The following PXDNL variants were observed in gnomAD, a reference collection of about 807,000 sequenced individuals.
The protein encoded by PXDNL is peroxidasin like.
A neutral mutation model predicts 150.8 loss-of-function variants in PXDNL; 145 were observed. The observed-to-expected ratio is 0.96, with a 90% CI of 0.84 to 1.10. PXDNL has a LOEUF of 1.10. Among genes scored for constraint, PXDNL ranks in the 50% least tolerant of loss-of-function variants. The probability of loss-of-function intolerance (pLI) is 0.00; values close to 1 mark genes in which losing one functional copy is unlikely to be tolerated. For missense variants in PXDNL, 2,087 were observed against 1,873.9 expected, an observed-to-expected ratio of 1.11 and a Z score of -2.10; for synonymous variants, 757 against 725.7, an observed-to-expected ratio of 1.04 and a Z score of -0.69.
intron 2 of PXDNL, among the ~76,000 whole-genome samples, chr8:51,613,749 T>C (rs1814071999): frequency 6.6e-6 from 1 of 152,178 alleles, no homozygotes; most frequent in Admixed American, 6.5e-5. Flanking sequence ...CCTCACCCTC[T>C]AAAATGCAAA....
intron 6 of PXDNL, among the ~76,000 whole-genome samples, chr8:51,478,787 C>G (rs1400850508): frequency 6.6e-6 from 1 of 152,164 alleles, no homozygotes; most frequent in African/African-American, 2.4e-5. Context: ...TTCTGTTGTT[C>G]TCATCTAAAT....
At chr8:51,389,901 T>A (rs1807839717) in intron 17 of PXDNL, among the ~76,000 whole-genome samples, 1 of 152,178 alleles carries the variant, frequency 6.6e-6, no homozygotes. Context: ...TTATGTCACA[T>A]TTCCCCATAA....
chr8:51,539,410 ATATAGT>A (rs1259079089), intron 4 of PXDNL, among the ~76,000 whole-genome samples: 1 of 152,066 alleles, frequency 6.6e-6, no homozygotes, highest in Admixed American at 6.6e-5. Context: ...TTAATGAGAA[ATATAGT>A]TATGTTGAAG....
At chr8:51,358,616 A>C (rs1264277061) in intron 19 of PXDNL, among the ~76,000 whole-genome samples, 1 of 152,154 alleles carries the variant, frequency 6.6e-6, no homozygotes, top group Non-Finnish European at 1.5e-5. Flanking sequence ...ACCAAAGACA[A>C]GAGGAATGGT....
chr8:51,678,838 G>A (rs981977627), intron 1 of PXDNL, among the ~76,000 whole-genome samples: 1 of 152,084 alleles, frequency 6.6e-6, no homozygotes, highest in Non-Finnish European at 1.5e-5. Flanking sequence ...TGCACATTGT[G>A]CACATGTACC....
intron 4 of PXDNL, among the ~76,000 whole-genome samples, chr8:51,553,032 A>T (rs570066886): frequency 2.4e-4 from 37 of 152,354 alleles, no homozygotes; most frequent in Admixed American, 6.5e-4. Context: ...ACAGGAAAGA[A>T]AAAAGGAGCA....
chr8:51,348,481 C>T lies in PXDNL; in HGVS notation c.3902-2534G>A, dbSNP rs996476324. 3.3e-5 allele frequency among the ~76,000 whole-genome samples: 5 copies of T among 152,258 alleles called. No individual in the cohort carries two copies. The South Asian group carries it at 8.3e-4, about 25-fold the overall frequency. ...TGACATCATTTCTTTTAATTCACTTCGTTATTTATTCCTGGATACTGCCAA... is the reference window on the plus strand; with the variant it reads ...TGACATCATTTCTTTTAATTCACTTTGTTATTTATTCCTGGATACTGCCAA... On this transcript the variant is annotated intron_variant, in intron 19 of 22. Transcript: ENST00000356297.
chr8:51,446,964 C>T, intron 12 of PXDNL, 40 bp downstream of exon 12: 1 of 1,598,898 alleles, frequency 6.3e-7, no homozygotes, highest in South Asian at 1.1e-5. Flanking sequence ...AGGCAGAAGG[C>T]ACACTTCAGA....
At chr8:51,389,525 T>G (rs933354449) in intron 17 of PXDNL, among the ~76,000 whole-genome samples, 3 of 152,190 alleles carry the variant, frequency 2.0e-5, no homozygotes, top group African/African-American at 7.2e-5. Context: ...GGCCTCTGAC[T>G]AGGTGGATTC....
intron 2 of PXDNL, among the ~76,000 whole-genome samples, chr8:51,641,758 G>C (rs1814761408): frequency 6.6e-6 from 1 of 151,924 alleles, no homozygotes; most frequent in Admixed American, 6.6e-5. Flanking sequence ...ACTCTTGGTG[G>C]GACTGTAAAC....
intron 2 of PXDNL, among the ~76,000 whole-genome samples, chr8:51,648,011 A>G (rs1354178902): frequency 6.6e-6 from 1 of 152,132 alleles, no homozygotes; most frequent in Non-Finnish European, 1.5e-5. Flanking sequence ...GTTTGCTTTT[A>G]TGGTGTTAGT....
intron 4 of PXDNL, among the ~76,000 whole-genome samples, chr8:51,526,930 C>G (rs766712243): frequency 2.0e-5 from 3 of 152,184 alleles, no homozygotes; most frequent in Non-Finnish European, 4.4e-5. Flanking sequence ...CTGTGCTCCG[C>G]CCTGGGAATA....
intron 5 of PXDNL, among the ~76,000 whole-genome samples, chr8:51,493,062 C>T (rs1280827309): frequency 2.0e-5 from 3 of 152,138 alleles, no homozygotes; most frequent in Non-Finnish European, 2.9e-5. Flanking sequence ...CTCACACGGC[C>T]AGGTACTCCT....
rs142250763 is a variant in PXDNL, at chr8:51,319,820, A to G, written c.*71T>C. The G allele has an allele frequency of 3.0e-6, 4 of 1,354,628 alleles. No homozygotes were observed. The African/African-American group carries it at 5.9e-5, about 20-fold the overall frequency. The allele number at this position is 1,354,628 out of a possible 1,614,324, so 83.9% of individuals were successfully genotyped here. The stretch of plus-strand genomic sequence containing the variant: ...ATATCAACAATGTGACTACAAGTTA[A>G]AAGTTCTGAAGTCCTAAATGTCTCT... On this transcript the variant is annotated 3_prime_UTR_variant, in exon 23 of 23. Transcript: ENST00000356297.
intron 3 of PXDNL, among the ~76,000 whole-genome samples, chr8:51,562,603 T>C (rs1418183820): frequency 6.6e-6 from 1 of 151,926 alleles, no homozygotes; most frequent in East Asian, 1.9e-4. Context: ...CAAGGAGTGT[T>C]ATAGAGGGGA....
chr8:51,485,787 A>G (rs1810718302), intron 5 of PXDNL, among the ~76,000 whole-genome samples: 1 of 152,144 alleles, frequency 6.6e-6, no homozygotes, highest in Non-Finnish European at 1.5e-5. Flanking sequence ...CTTGAATAAC[A>G]TCTTTCTTGC....
intron 4 of PXDNL, among the ~76,000 whole-genome samples, chr8:51,523,910 G>A (rs181655252): frequency 2.0e-5 from 3 of 152,212 alleles, no homozygotes; most frequent in African/African-American, 7.2e-5. Context: ...AATCAGGGCT[G>A]GAAAAGGAAA....
chr8:51,650,210 A>C (rs1205176795), intron 2 of PXDNL, among the ~76,000 whole-genome samples: 1 of 152,086 alleles, frequency 6.6e-6, no homozygotes, highest in African/African-American at 2.4e-5. Flanking sequence ...TATTATATAC[A>C]GACAAAGTCA....
intron 5 of PXDNL, among the ~76,000 whole-genome samples, chr8:51,486,967 T>G (rs1810780674): frequency 6.6e-6 from 1 of 151,416 alleles, no homozygotes; most frequent in Admixed American, 6.6e-5. Context: ...GCTAATTTTT[T>G]GTATTTTTGT....
Sources: gnomAD v4.1 joint callset for allele counts (sites outside exome capture counted in the v4.1 genomes callset) on GRCh38, gnomAD v4.1.1 for gene constraint, MANE v1.5 for transcripts, NCBI Gene and HGNC (gene_info 2026-07-23, HGNC 2026-07-21) for gene names.